Variants in MORC4 observed in about 807,000 individuals in gnomAD.
MORC4 encodes MORC family CW-type zinc finger 4.
Under a neutral mutation model 65.5 loss-of-function variants are expected in MORC4, and 22 were observed. The ratio of observed to expected loss-of-function variants is 0.34; its 90% CI spans 0.24 to 0.48. The LOEUF (loss-of-function observed/expected upper bound fraction) is 0.48. Among genes scored for constraint, MORC4 ranks in the 20% least tolerant of loss-of-function variants. The probability of loss-of-function intolerance (pLI) is 0.99; values close to 1 mark genes in which losing one functional copy is unlikely to be tolerated. For synonymous variants in MORC4, 267 were observed against 255.8 expected, an observed-to-expected ratio of 1.04 and a Z score of -0.42; for missense variants, 624 against 703.0, an observed-to-expected ratio of 0.89 and a Z score of 1.27.
At chrX:106,969,295 G>A (rs936709221) in intron 9 of MORC4, among the ~76,000 whole-genome samples, 24 of 111,659 alleles carry the variant, frequency 2.1e-4, no homozygotes, top group Non-Finnish European at 4.1e-4. Context: ...AAGACACAAC[G>A]TACCAGAATC....
chrX:106,958,283 T>C, intron 11 of MORC4, 53 bp downstream of exon 11: 7 of 1,106,632 alleles, frequency 6.3e-6, no homozygotes, highest in Non-Finnish European at 7.3e-6. Flanking sequence ...TTTTAGACTA[T>C]AGAGATAAAT....
chrX:106,944,902 T>C (rs1355646878), intron 14 of MORC4, among the ~76,000 whole-genome samples: 1 of 111,540 alleles, frequency 9.0e-6, no homozygotes, highest in Non-Finnish European at 1.9e-5. Context: ...CCCCTTCTCT[T>C]ACCTCCAGAT....
rs774670574 is a variant in MORC4, at chrX:106,950,958, C to T, written c.1685+3955G>A. 6.2e-5 allele frequency among the ~76,000 whole-genome samples: 7 copies of T among 112,191 alleles called. No individual in the cohort carries two copies. In the South Asian group the frequency reaches 2.6e-3, roughly 42 times the overall value. ...TAGAAGATTTCTTGAATATTTCTCC[C>T]TTTGCTGTGTGCCCCTAGGACACTA... On this transcript the variant is annotated intron_variant, in intron 14 of 16. Transcript: ENST00000355610.
chrX:106,977,811 T>C (rs73247971), intron 8 of MORC4, among the ~76,000 whole-genome samples: 15 of 111,518 alleles, frequency 1.3e-4, no homozygotes, highest in Non-Finnish European at 2.3e-4. Context: ...CATGGTAAGC[T>C]TGCTGGTATT....
At chrX:106,993,519 A>T (rs1420549569) in intron 2 of MORC4, among the ~76,000 whole-genome samples, 157 bp from the exon 3 acceptor site, 1 of 112,264 alleles carries the variant, frequency 8.9e-6, no homozygotes, top group African/African-American at 3.2e-5. Context: ...TGCACTTACT[A>T]AATTATAGAG....
intron 9 of MORC4, among the ~76,000 whole-genome samples, chrX:106,967,984 C>T (rs745699259): frequency 3.6e-5 from 4 of 111,131 alleles, no homozygotes; most frequent in East Asian, 2.8e-4. Context: ...AGATACTCCT[C>T]GAGAAGAGCA....
intron 10 of MORC4, among the ~76,000 whole-genome samples, chrX:106,961,236 T>TA (rs1934235284): frequency 8.9e-6 from 1 of 112,067 alleles, no homozygotes; most frequent in Non-Finnish European, 1.9e-5. Context: ...TTCAGACAGG[T>TA]GAAGTAACTT....
intron 14 of MORC4, among the ~76,000 whole-genome samples, chrX:106,947,572 T>A (rs1220453743): frequency 5.9e-5 from 2 of 34,117 alleles, no homozygotes; most frequent in Middle Eastern, 0.012. Flanking sequence ...ATATATATAT[T>A]ATATATATAT....
chrX:106,983,969 A>G (rs760468361), intron 5 of MORC4, among the ~76,000 whole-genome samples: 1 of 111,572 alleles, frequency 9.0e-6, no homozygotes, highest in South Asian at 3.8e-4. Context: ...TCATTGTCTA[A>G]TAGGTAAAAT....
chrX:106,944,853 T>G (rs1310870642), intron 14 of MORC4, among the ~76,000 whole-genome samples: 2 of 111,656 alleles, frequency 1.8e-5, no homozygotes, highest in Non-Finnish European at 3.8e-5. Context: ...CCACTACCTT[T>G]CCTGGACTAC....
In MORC4 at chrX:106,942,910, C is replaced by T; in HGVS notation, c.1981G>A (p.Glu661Lys). ...DQRQGSLLPE[E>K]LEDQMPRLVA... is the part of the protein sequence containing the mutation. ...AATCTTGGCATCTGATCTTCTAATTCTTCAGGAAGCAGGGACCCCTGGCGT... is the reference window on the plus strand; with the variant it reads ...AATCTTGGCATCTGATCTTCTAATTTTTCAGGAAGCAGGGACCCCTGGCGT... Residue 661 changes from glutamate to lysine, a missense_variant, in exon 15 of 17, where the codon GAA (glutamate) becomes AAA (lysine). By Grantham distance (56) the Glu-to-Lys change is moderately conservative. Transcript: ENST00000355610. 8.3e-7 allele frequency: 1 copy of T among 1,211,864 alleles called. No homozygotes were observed. The highest frequency in any genetic ancestry group is 1.1e-6 in the Non-Finnish European group (1 of 895,508).
intron 9 of MORC4, among the ~76,000 whole-genome samples, chrX:106,970,977 T>C (rs1301316888): frequency 2.7e-5 from 3 of 111,455 alleles, no homozygotes; most frequent in African/African-American, 9.8e-5. Flanking sequence ...TTAAACTTCA[T>C]ATGGAAGCAA....
intron 14 of MORC4, among the ~76,000 whole-genome samples, chrX:106,945,428 G>GTGTGTA (rs1933803432): frequency 1.0e-5 from 1 of 99,944 alleles, no homozygotes; most frequent in Non-Finnish European, 2.0e-5. Context: ...GTGTGTGTGT[G>GTGTGTA]TGTGTGTGTG....
At chrX:106,984,024 C>T (rs1401004666) in intron 5 of MORC4, among the ~76,000 whole-genome samples, 3 of 111,719 alleles carry the variant, frequency 2.7e-5, no homozygotes, top group Admixed American at 9.5e-5. Context: ...TGGCCAGGCA[C>T]GGTGGCTCAT....
chrX:106,999,844 CG>C, intron 1 of MORC4, 23 bp downstream of exon 1: 1 of 852,182 alleles, frequency 1.2e-6, no homozygotes, highest in Non-Finnish European at 1.4e-6. Context: ...CGCGCGCGTC[CG>C]CCCCCTCGGG....
At chrX:106,968,858 C>A (rs892628281) in intron 9 of MORC4, among the ~76,000 whole-genome samples, 3 of 110,478 alleles carry the variant, frequency 2.7e-5, no homozygotes, top group Non-Finnish European at 5.7e-5. Context: ...TACAAAGAGA[C>A]TTAGACTCCC....
chrX:106,969,934 T>A (rs977502085), intron 9 of MORC4, among the ~76,000 whole-genome samples: 2 of 111,428 alleles, frequency 1.8e-5, no homozygotes, highest in African/African-American at 6.5e-5. Flanking sequence ...CTGAAACTAT[T>A]CCAATCAATA....
intron 9 of MORC4, among the ~76,000 whole-genome samples, chrX:106,974,051 C>T (rs1337251914): frequency 8.9e-6 from 1 of 111,848 alleles, no homozygotes; most frequent in African/African-American, 3.3e-5. Context: ...GTATTTCCCT[C>T]AAAGATGTAA....
intron 14 of MORC4, among the ~76,000 whole-genome samples, chrX:106,944,760 C>T (rs931103449): frequency 1.8e-5 from 2 of 111,508 alleles, no homozygotes; most frequent in Non-Finnish European, 3.8e-5. Context: ...CCCTATGTTT[C>T]CTATTTGTGT....
Sources: gnomAD v4.1 joint callset for allele counts (sites outside exome capture counted in the v4.1 genomes callset) on GRCh38, gnomAD v4.1.1 for gene constraint, MANE v1.5 for transcripts, NCBI Gene and HGNC (gene_info 2026-07-23, HGNC 2026-07-21) for gene names.